The following ATF2 variants were observed in gnomAD, a reference collection of about 807,000 sequenced individuals.
ATF2 encodes the protein activating transcription factor 2.
In ATF2, 24 loss-of-function variants were observed where a neutral mutation model predicts 60.6. That is an observed-to-expected ratio of 0.40 (90% CI 0.29 to 0.56). The LOEUF is 0.56. ATF2 is among the 20% of genes least tolerant of loss of function. The pLI is 0.54. For missense variants in ATF2, 433 were observed against 607.7 expected, an observed-to-expected ratio of 0.71 and a Z score of 3.02; for synonymous variants, 206 against 215.4, an observed-to-expected ratio of 0.96 and a Z score of 0.38.
intron 10 of ATF2, among the ~76,000 whole-genome samples, chr2:175,110,763 G>A (rs940005091): frequency 6.6e-6 from 1 of 151,956 alleles, no homozygotes; most frequent in South Asian, 2.1e-4. Context: ...GCACCACCAC[G>A]CTCGGCTAAT....
chr2:175,074,960 T>C, intron 13 of ATF2, 125 bp from the exon 14 acceptor site: 1 of 1,525,998 alleles, frequency 6.6e-7, no homozygotes, highest in Middle Eastern at 2.0e-4. Flanking sequence ...CAAGTTGGTA[T>C]TACAGCAATT....
intron 2 of ATF2, among the ~76,000 whole-genome samples, chr2:175,141,715 C>T (rs934244761): frequency 2.6e-5 from 4 of 151,942 alleles, no homozygotes; most frequent in African/African-American, 9.7e-5. Flanking sequence ...GGAAGGTCTC[C>T]ATCTCCTGAC....
intron 4 of ATF2, among the ~76,000 whole-genome samples, chr2:175,123,771 G>A (rs1348716884): frequency 6.6e-6 from 1 of 151,790 alleles, no homozygotes; most frequent in Admixed American, 6.6e-5. Context: ...ATTTACAAAG[G>A]GATTACTGAT....
intron 2 of ATF2, among the ~76,000 whole-genome samples, chr2:175,142,366 A>T (rs1698606206): frequency 6.6e-6 from 1 of 151,782 alleles, no homozygotes; most frequent in African/African-American, 2.4e-5. Context: ...ATGGGGTTTC[A>T]CCATGTTGGC....
intron 10 of ATF2, among the ~76,000 whole-genome samples, chr2:175,102,733 G>C (rs1337314859): frequency 1.3e-5 from 2 of 149,518 alleles, no homozygotes; most frequent in Non-Finnish European, 3.0e-5. Context: ...CTGGGTAACA[G>C]AGCAAGACCC....
intron 3 of ATF2, among the ~76,000 whole-genome samples, chr2:175,134,540 T>TAA (rs34374458): frequency 1.5e-5 from 2 of 134,986 alleles, no homozygotes; most frequent in African/African-American, 5.4e-5. Context: ...AAAACTGGTT[T>TAA]AAAAAAAAAA....
At chr2:175,101,643 A>G (rs1695320234) in intron 10 of ATF2, among the ~76,000 whole-genome samples, 1 of 152,206 alleles carries the variant, frequency 6.6e-6, no homozygotes, top group Non-Finnish European at 1.5e-5. Flanking sequence ...CCTGAAGTAC[A>G]TAAACATCAC....
chr2:175,139,996 G>A (rs995235968), intron 2 of ATF2, among the ~76,000 whole-genome samples: 1 of 152,106 alleles, frequency 6.6e-6, no homozygotes, highest in African/African-American at 2.4e-5. Context: ...ACCAATGTGT[G>A]TAAAAAGCAG....
chr2:175,095,591 A>T (rs1694881019), intron 11 of ATF2, among the ~76,000 whole-genome samples: 1 of 152,224 alleles, frequency 6.6e-6, no homozygotes, highest in Admixed American at 6.5e-5. Context: ...GAGGCTTCTT[A>T]GAAGTGTATA....
intron 2 of ATF2, among the ~76,000 whole-genome samples, chr2:175,140,513 G>T (rs756177959): frequency 2.0e-5 from 3 of 152,048 alleles, no homozygotes; most frequent in Middle Eastern, 3.2e-3. Flanking sequence ...GATTACAAAG[G>T]GGCATGAGAA....
At chr2:175,153,687 G>C (rs762690612) in intron 1 of ATF2, among the ~76,000 whole-genome samples, 9 of 151,892 alleles carry the variant, frequency 5.9e-5, no homozygotes, top group Admixed American at 2.0e-4. Context: ...AAAATTAGCC[G>C]GGCATGGTGG....
intron 1 of ATF2, among the ~76,000 whole-genome samples, chr2:175,158,803 A>G (rs1191267111): frequency 6.6e-6 from 1 of 152,216 alleles, no homozygotes; most frequent in East Asian, 1.9e-4. Context: ...CAGTAAAAAA[A>G]AAAATACATT....
Position 175,109,470 on chromosome 2 carries a change from G to T in ATF2, c.828+2098C>A, listed in dbSNP as rs138857094. 7.5e-4 allele frequency among the ~76,000 whole-genome samples: 114 copies of T among 152,284 alleles called. 3 individuals are homozygous for T. The East Asian group carries it at 0.02, about 27-fold the overall frequency. On this transcript the variant is annotated intron_variant, in intron 10 of 13. Transcript: ENST00000264110. ...ATGGAGTGGACTGATCGGAAAGAGA[G>T]AAACTTTTATTCTTTTTAATTTAAT...
intron 4 of ATF2, among the ~76,000 whole-genome samples, chr2:175,125,961 C>T (rs1697297973): frequency 6.6e-6 from 1 of 152,110 alleles, no homozygotes; most frequent in African/African-American, 2.4e-5. Context: ...CCACCATCTT[C>T]AATCCTACAT....
chr2:175,080,682 C>T lies in ATF2; in HGVS notation c.1269G>A (p.Met423Ile). ...CACTATGATAGCCAGATTTCTTCTG[C>T]ATGGCGGTTACAGGGCAATCTTTAT... Reference protein sequence around the residue: ...LAHKDCPVTAMQKKSGYHTAD... With the variant: ...LAHKDCPVTAIQKKSGYHTAD... The change falls in exon 13 of 14, where the codon ATG (methionine) becomes ATA (isoleucine). Residue 423 changes from methionine (M) to isoleucine (I), a missense_variant. Around this residue, in one of 5 missense-constraint regions of ATF2, gnomAD observed 114 missense variants for 104.0 expected, o/e 1.10. Transcript: ENST00000264110. 1 of 1,612,946 alleles carries T rather than the reference C, an allele frequency of 6.2e-7. No homozygotes were observed. The highest frequency in any genetic ancestry group is 8.5e-7 in the Non-Finnish European group (1 of 1,179,210).
intron 1 of ATF2, among the ~76,000 whole-genome samples, chr2:175,166,106 T>C (rs1427932736): frequency 6.6e-6 from 1 of 152,156 alleles, no homozygotes; most frequent in African/African-American, 2.4e-5. Context: ...AAAAAGGATT[T>C]TCAGGAAATG....
chr2:175,085,220 GC>G (rs1423356971), intron 12 of ATF2, among the ~76,000 whole-genome samples: 1 of 152,152 alleles, frequency 6.6e-6, no homozygotes, highest in Non-Finnish European at 1.5e-5. Context: ...GTGTTGGCTA[GC>G]TAAGTGATAT....
chr2:175,138,176 A>C (rs1698263747), intron 2 of ATF2, among the ~76,000 whole-genome samples: 1 of 152,134 alleles, frequency 6.6e-6, no homozygotes, highest in Non-Finnish European at 1.5e-5. Context: ...TTCTAGGTAA[A>C]ATTTTTTAGA....
intron 4 of ATF2, among the ~76,000 whole-genome samples, chr2:175,122,899 T>C (rs889158769): frequency 1.3e-5 from 2 of 152,110 alleles, no homozygotes; most frequent in East Asian, 3.8e-4. Context: ...TGAATTCAAC[T>C]TCAATTTAAT....
Sources: allele counts gnomAD v4.1 joint callset (sites outside exome capture counted in the v4.1 genomes callset), GRCh38; gene constraint gnomAD v4.1.1; regional missense constraint gnomAD v4.1.1; transcripts MANE v1.5; gene names NCBI Gene and HGNC (gene_info 2026-07-23, HGNC 2026-07-21).